Variants in RNLS observed in about 807,000 individuals in gnomAD.
The protein encoded by RNLS is renalase.
In RNLS, 39 loss-of-function variants were observed where a neutral mutation model predicts 39.8. That is an observed-to-expected ratio of 0.98 (90% CI 0.76 to 1.28). The LOEUF is 1.28. Among genes scored for constraint, RNLS ranks in the 50% most tolerant of loss-of-function variants. The pLI is 0.00. For missense variants in RNLS, 410 were observed against 413.3 expected, an observed-to-expected ratio of 0.99 and a Z score of 0.07; for synonymous variants, 147 against 150.7, an observed-to-expected ratio of 0.98 and a Z score of 0.18.
intron 4 of RNLS, among the ~76,000 whole-genome samples, chr10:88,514,259 G>A (rs577751743): frequency 5.9e-5 from 9 of 152,004 alleles, no homozygotes; most frequent in Non-Finnish European, 1.3e-4. Flanking sequence ...GAAGGGCAAA[G>A]AGCCGCTTAT....
At chr10:88,317,802 G>C (rs1845875009) in intron 5 of RNLS, among the ~76,000 whole-genome samples, 1 of 152,104 alleles carries the variant, frequency 6.6e-6, no homozygotes, top group South Asian at 2.1e-4. Flanking sequence ...AGAGTGCCCA[G>C]GGGAAAAAGC....
At chr10:88,542,656 C>T (rs573870390) in intron 4 of RNLS, among the ~76,000 whole-genome samples, 2 of 152,316 alleles carry the variant, frequency 1.3e-5, no homozygotes, top group South Asian at 4.1e-4. Context: ...CTAGACAGCA[C>T]TGCATGATCT....
At chr10:88,208,397 G>T in the RNLS span, among the ~76,000 whole-genome samples, 1 of 151,876 alleles carries the variant, frequency 6.6e-6, no homozygotes, top group Admixed American at 6.6e-5. Flanking sequence ...TTTATAAAAA[G>T]AACATATGGA....
At chr10:88,179,864 A>G in the RNLS span, among the ~76,000 whole-genome samples, 1 of 152,228 alleles carries the variant, frequency 6.6e-6, no homozygotes, top group Non-Finnish European at 1.5e-5. Flanking sequence ...TCTAAGTATA[A>G]TCCCCAGGGT....
intron 4 of RNLS, among the ~76,000 whole-genome samples, chr10:88,494,557 C>T (rs1845065061): frequency 6.6e-6 from 1 of 152,018 alleles, no homozygotes; most frequent in African/African-American, 2.4e-5. Flanking sequence ...TAAGGTGACT[C>T]AAGATTATTC....
At chr10:88,569,354 A>G (rs749804055) in intron 4 of RNLS, among the ~76,000 whole-genome samples, 1 of 151,964 alleles carries the variant, frequency 6.6e-6, no homozygotes, top group Non-Finnish European at 1.5e-5. Flanking sequence ...GTTGTGAGAA[A>G]TCGGAAGTTC....
intron 4 of RNLS, among the ~76,000 whole-genome samples, chr10:88,527,746 A>G (rs1847191842): frequency 6.6e-6 from 1 of 152,144 alleles, no homozygotes; most frequent in Admixed American, 6.6e-5. Flanking sequence ...ACGAATGGAC[A>G]GCCAAGGGTC....
At chr10:88,394,126 G>A (rs1192530494) in intron 4 of RNLS, among the ~76,000 whole-genome samples, 7 of 152,140 alleles carry the variant, frequency 4.6e-5, no homozygotes, top group Non-Finnish European at 1.5e-5. Flanking sequence ...AAGGACATAG[G>A]CATGGGCAAG....
the RNLS span, among the ~76,000 whole-genome samples, chr10:88,211,277 T>C: frequency 1.3e-5 from 2 of 152,180 alleles, no homozygotes; most frequent in Admixed American, 1.3e-4. Context: ...TCCCAATGCA[T>C]GCATGCATCC....
chr10:88,411,873 G>GTTCCAAGTAGAACATA, intron 4 of RNLS, among the ~76,000 whole-genome samples: 1 of 135,796 alleles, frequency 7.4e-6, no homozygotes, highest in Non-Finnish European at 1.8e-5. Flanking sequence ...AGTAGAACAT[G>GTTCCAAGTAGAACATA]AGTCACATGC....
downstream of RNLS, among the ~76,000 whole-genome samples, chr10:88,280,559 A>G (rs909185301): frequency 6.6e-6 from 1 of 152,086 alleles, no homozygotes; most frequent in African/African-American, 2.4e-5. Flanking sequence ...GTCAGTAAAC[A>G]TTTTCTTAAA....
intron 4 of RNLS, among the ~76,000 whole-genome samples, chr10:88,551,253 T>A (rs80322178): frequency 2.0e-5 from 3 of 152,346 alleles, no homozygotes; most frequent in African/African-American, 7.2e-5. Context: ...AAAGTTAAAA[T>A]ATCAAAACAA....
At chr10:88,536,583 T>C (rs961448513) in intron 4 of RNLS, among the ~76,000 whole-genome samples, 1 of 152,208 alleles carries the variant, frequency 6.6e-6, no homozygotes, top group Non-Finnish European at 1.5e-5. Flanking sequence ...CATCTCCTAC[T>C]ACGCTGTCCC....
At chr10:88,470,841 C>G (rs1843480847) in intron 4 of RNLS, among the ~76,000 whole-genome samples, 1 of 152,060 alleles carries the variant, frequency 6.6e-6, no homozygotes, top group Non-Finnish European at 1.5e-5. Context: ...GTCTCAAACT[C>G]CTGACCTTGT....
At chr10:88,218,160 C>T in the RNLS span, among the ~76,000 whole-genome samples, 405 of 152,336 alleles carry the variant, frequency 2.7e-3, 1 homozygote, top group African/African-American at 8.8e-3. Context: ...AATGGGTGCC[C>T]GCGCACTATG....
At chr10:88,357,304 C>G (rs1464886008) in intron 5 of RNLS, among the ~76,000 whole-genome samples, 21 of 152,196 alleles carry the variant, frequency 1.4e-4, no homozygotes, top group Admixed American at 1.4e-3. Flanking sequence ...TGAGTTGAGT[C>G]TGGACTCCTG....
chr10:88,315,778 A>C (rs1589531809), intron 5 of RNLS, among the ~76,000 whole-genome samples: 1 of 143,418 alleles, frequency 7.0e-6, no homozygotes, highest in African/African-American at 2.6e-5. Flanking sequence ...AGTAGCCACC[A>C]CTTTTTTTTT....
At chr10:88,510,186 G>A (rs1208548296) in intron 4 of RNLS, among the ~76,000 whole-genome samples, 5 of 151,950 alleles carry the variant, frequency 3.3e-5, no homozygotes, top group African/African-American at 4.8e-5. Context: ...AGAATAGCAC[G>A]GTGTATATAT....
chr10:88,524,960 C>CATACAT (rs1554919207), intron 4 of RNLS, among the ~76,000 whole-genome samples: 1 of 88,970 alleles, frequency 1.1e-5, no homozygotes, highest in African/African-American at 4.4e-5. Context: ...CACACACATA[C>CATACAT]ATATATATAT....
Sources: allele counts gnomAD v4.1 joint callset (sites outside exome capture counted in the v4.1 genomes callset), GRCh38; gene constraint gnomAD v4.1.1; transcripts MANE v1.5; gene names NCBI Gene and HGNC (gene_info 2026-07-23, HGNC 2026-07-21).